Variants in SHISA9 observed in about 807,000 individuals in gnomAD.
SHISA9 encodes the protein protein shisa-9.
A neutral mutation model predicts 38.0 loss-of-function variants in SHISA9; 13 were observed. That is an observed-to-expected ratio of 0.34 (90% CI 0.22 to 0.54). The LOEUF (loss-of-function observed/expected upper bound fraction) is 0.54, where lower values mean the gene tolerates loss of function less well. Among genes scored for constraint, SHISA9 ranks in the 20% least tolerant of loss-of-function variants. The pLI is 0.91. For missense variants in SHISA9, 538 were observed against 575.8 expected (o/e 0.93, Z 0.67); for synonymous variants, 275 against 242.0 (o/e 1.14, Z -1.27).
the SHISA9 span, among the ~76,000 whole-genome samples, chr16:13,317,105 G>GA: frequency 6.6e-6 from 1 of 152,154 alleles, no homozygotes; most frequent in African/African-American, 2.4e-5. Context: ...CTTCCTCCTT[G>GA]AATCTTTTCA....
At chr16:13,233,647 C>T (rs2051353313) in intron 4 of SHISA9, among the ~76,000 whole-genome samples, 1 of 152,170 alleles carries the variant, frequency 6.6e-6, no homozygotes, top group Non-Finnish European at 1.5e-5. Flanking sequence ...CCAATAAAAC[C>T]TTGTTTACAA....
chr16:13,394,602 C>G, the SHISA9 span, among the ~76,000 whole-genome samples: 1 of 152,172 alleles, frequency 6.6e-6, no homozygotes, highest in Non-Finnish European at 1.5e-5. Flanking sequence ...CTCTCTAGCT[C>G]TCGGTCTAAG....
chr16:13,255,856 A>G, the SHISA9 span, among the ~76,000 whole-genome samples: 6 of 152,338 alleles, frequency 3.9e-5, no homozygotes, highest in South Asian at 1.0e-3. Flanking sequence ...AGTTTGCATC[A>G]TTTCATGCCC....
chr16:13,018,727 G>A (rs891516889), intron 2 of SHISA9, among the ~76,000 whole-genome samples: 1 of 152,128 alleles, frequency 6.6e-6, no homozygotes, highest in Non-Finnish European at 1.5e-5. Flanking sequence ...CAACTTTGGC[G>A]ACACAAATTT....
intron 2 of SHISA9, among the ~76,000 whole-genome samples, chr16:13,023,842 A>G: frequency 6.6e-6 from 1 of 152,186 alleles, no homozygotes; most frequent in South Asian, 2.1e-4. Context: ...ATGAGGTCAC[A>G]TTCATAGGTT....
At chr16:13,264,821 A>G in the SHISA9 span, among the ~76,000 whole-genome samples, 1 of 152,092 alleles carries the variant, frequency 6.6e-6, no homozygotes, top group Non-Finnish European at 1.5e-5. Context: ...TTGTCTTCCC[A>G]AAGAGAGAAA....
At chr16:13,353,128 C>T in the SHISA9 span, among the ~76,000 whole-genome samples, 1 of 152,000 alleles carries the variant, frequency 6.6e-6, no homozygotes, top group Non-Finnish European at 1.5e-5. Context: ...CTCAGGGCTG[C>T]TTCAAGCGGG....
the SHISA9 span, among the ~76,000 whole-genome samples, chr16:13,381,587 G>A: frequency 6.6e-6 from 1 of 152,142 alleles, no homozygotes; most frequent in Admixed American, 6.5e-5. Context: ...TAAATTTATT[G>A]GACGGGTTGG....
At chr16:13,180,141 C>A (rs1175521511) in intron 2 of SHISA9, among the ~76,000 whole-genome samples, 2 of 152,224 alleles carry the variant, frequency 1.3e-5, no homozygotes, top group Non-Finnish European at 2.9e-5. Flanking sequence ...AACATTTGTT[C>A]AATGAATGTA....
chr16:12,987,894 A>G (rs896693445), intron 2 of SHISA9, among the ~76,000 whole-genome samples: 1 of 152,222 alleles, frequency 6.6e-6, no homozygotes, highest in Non-Finnish European at 1.5e-5. Flanking sequence ...TCCATGAAAT[A>G]AGTAACTTGC....
chr16:13,502,337 A>G, the SHISA9 span, among the ~76,000 whole-genome samples: 54 of 152,272 alleles, frequency 3.5e-4, no homozygotes, highest in Admixed American at 3.1e-3. Flanking sequence ...TCTAATGTGC[A>G]AAGGGAGGAA....
the SHISA9 span, among the ~76,000 whole-genome samples, chr16:13,325,817 G>C: frequency 2.0e-5 from 3 of 151,446 alleles, no homozygotes; most frequent in Non-Finnish European, 4.4e-5. Context: ...ACAAAACACT[G>C]TATGTTCTCA....
intron 2 of SHISA9, among the ~76,000 whole-genome samples, chr16:13,054,987 G>A (rs538769189): frequency 1.3e-5 from 2 of 152,212 alleles, no homozygotes; most frequent in East Asian, 1.9e-4. Flanking sequence ...CTTCAGTGAC[G>A]TTTCCAAAGC....
Position 13,015,862 on chromosome 16 carries a change from C to G in SHISA9, c.691+99047C>G, listed in dbSNP as rs12934439. Among the ~76,000 whole-genome samples, 277 of 44,486 alleles carry G rather than the reference C, an allele frequency of 6.2e-3. 2 individuals are homozygous for G. Among genetic ancestry groups the G allele is most frequent in the Non-Finnish European group, 9.8e-3 (176 of 17,994 alleles). 29.2% of individuals were successfully genotyped at this position (44,486 alleles called of 152,430 possible). A position where few individuals can be genotyped will look rare whatever the true frequency, so the allele number is the denominator to read the frequency against. ...TTTCTTTCTTTCTTTCCCTTTCTTTCTTTCTTTCTTTCTTTCTTTCTTTCT... is the reference window on the plus strand; with the variant it reads ...TTTCTTTCTTTCTTTCCCTTTCTTTGTTTCTTTCTTTCTTTCTTTCTTTCT... On this transcript the variant is annotated intron_variant, in intron 2 of 4. Coordinates refer to ENST00000558583, the MANE Select transcript of SHISA9 (RefSeq NM_001145204.3).
chr16:13,243,576 T>C (rs887393892), downstream of SHISA9, among the ~76,000 whole-genome samples: 7 of 152,104 alleles, frequency 4.6e-5, no homozygotes, highest in African/African-American at 1.7e-4. Context: ...CAAAGTTTTA[T>C]CATGAAGATG....
intron 2 of SHISA9, among the ~76,000 whole-genome samples, chr16:13,126,301 T>C (rs979826471): frequency 1.3e-5 from 2 of 152,174 alleles, no homozygotes; most frequent in Admixed American, 1.3e-4. Context: ...TTTGCTCCTC[T>C]ACTCCAGCTG....
chr16:12,974,477 T>A (rs2072127963), intron 2 of SHISA9, among the ~76,000 whole-genome samples: 1 of 134,638 alleles, frequency 7.4e-6, no homozygotes, highest in East Asian at 2.2e-4. Flanking sequence ...TGATTTCTGG[T>A]GGTTTTTTTT....
intron 2 of SHISA9, among the ~76,000 whole-genome samples, chr16:12,971,439 A>C (rs1257443055): frequency 1.3e-5 from 2 of 152,206 alleles, no homozygotes; most frequent in Non-Finnish European, 2.9e-5. Context: ...CTGGCTGCCC[A>C]GTCTTGAATG....
At chr16:13,511,154 C>A in the SHISA9 span, among the ~76,000 whole-genome samples, 1 of 152,116 alleles carries the variant, frequency 6.6e-6, no homozygotes, top group South Asian at 2.1e-4. Context: ...TGTAGTTGCA[C>A]CCAAATAAAG....
Sources: gnomAD v4.1 joint callset for allele counts (sites outside exome capture counted in the v4.1 genomes callset) on GRCh38, gnomAD v4.1.1 for gene constraint, MANE v1.5 for transcripts, NCBI Gene and HGNC (gene_info 2026-07-23, HGNC 2026-07-21) for gene names.